Variants in PIK3C2G observed in about 807,000 individuals in gnomAD.
PIK3C2G encodes the protein phosphatidylinositol-4-phosphate 3-kinase catalytic subunit type 2 gamma, also known as phosphatidylinositol 3-kinase C2 domain-containing subunit gamma.
A neutral mutation model predicts 181.1 loss-of-function variants in PIK3C2G; 168 were observed. The ratio of observed to expected loss-of-function variants is 0.93; its 90% CI spans 0.82 to 1.05. The LOEUF (loss-of-function observed/expected upper bound fraction) is 1.05. PIK3C2G is among the 50% of genes least tolerant of loss of function. PIK3C2G has a pLI of 0.00. For missense variants in PIK3C2G, 1,869 were observed against 1,732.8 expected, an observed-to-expected ratio of 1.08 and a Z score of -1.40; for synonymous variants, 573 against 592.2, an observed-to-expected ratio of 0.97 and a Z score of 0.47.
chr12:18,525,374 C>G (rs1025377117), intron 24 of PIK3C2G, among the ~76,000 whole-genome samples: 1 of 150,716 alleles, frequency 6.6e-6, no homozygotes, highest in East Asian at 1.9e-4. Context: ...ACCTGGGCAA[C>G]AAAAGCAAAA....
intron 11 of PIK3C2G, among the ~76,000 whole-genome samples, chr12:18,360,676 G>A (rs907992105): frequency 2.6e-5 from 4 of 152,070 alleles, no homozygotes; most frequent in Admixed American, 2.6e-4. Flanking sequence ...TCAGCGTATT[G>A]AATATATTAT....
At chr12:18,642,465 T>C (rs1444161728) in intron 32 of PIK3C2G, among the ~76,000 whole-genome samples, 1 of 152,192 alleles carries the variant, frequency 6.6e-6, no homozygotes, top group African/African-American at 2.4e-5. Flanking sequence ...CTTAGCCATA[T>C]TTTCAGATCA....
chr12:18,696,129 T>C, the PIK3C2G span: 2 of 1,207,846 alleles, frequency 1.7e-6, no homozygotes, highest in East Asian at 4.8e-5. Flanking sequence ...TGCAAACAAC[T>C]CAATATCGTA....
intron 12 of PIK3C2G, among the ~76,000 whole-genome samples, chr12:18,366,479 G>A (rs1445303692): frequency 3.3e-5 from 5 of 152,048 alleles, no homozygotes; most frequent in Admixed American, 6.6e-5. Flanking sequence ...GCAATGAGCC[G>A]AGATTGCACC....
At chr12:18,723,256 AG>A in the PIK3C2G span, 1 of 1,473,454 alleles carries the variant, frequency 6.8e-7, no homozygotes, top group Non-Finnish European at 9.2e-7. Context: ...TTTTGAAAAA[AG>A]AAAAAATACT....
chr12:18,685,017 G>A, the PIK3C2G span, among the ~76,000 whole-genome samples: 1 of 151,988 alleles, frequency 6.6e-6, no homozygotes, highest in Non-Finnish European at 1.5e-5. Context: ...CCCCAGCCAT[G>A]AGGAACTGTG....
At chr12:18,489,283 A>G (rs74068003) in intron 19 of PIK3C2G, among the ~76,000 whole-genome samples, 4,389 of 152,196 alleles carry the variant, frequency 0.029, 200 homozygotes, top group African/African-American at 0.1. Context: ...CTTTCATTGT[A>G]TTAAGAATAT....
At chr12:18,389,091 G>T (rs1943368559) in intron 14 of PIK3C2G, among the ~76,000 whole-genome samples, 1 of 152,108 alleles carries the variant, frequency 6.6e-6, no homozygotes, top group South Asian at 2.1e-4. Flanking sequence ...GGTGGCTCAC[G>T]CCTGTAATCC....
intron 1 of PIK3C2G, among the ~76,000 whole-genome samples, chr12:18,274,200 T>C (rs1948874824): frequency 6.6e-6 from 1 of 152,214 alleles, no homozygotes; most frequent in South Asian, 2.1e-4. Context: ...TTTACACTGT[T>C]GGTGGGACTG....
chr12:18,501,104 G>A (rs529187016), intron 22 of PIK3C2G, among the ~76,000 whole-genome samples: 1 of 152,314 alleles, frequency 6.6e-6, no homozygotes, highest in South Asian at 2.1e-4. Flanking sequence ...CTTAAGAGCT[G>A]TAACACTCAC....
At chr12:18,390,274 C>T (rs1005284130) in intron 14 of PIK3C2G, among the ~76,000 whole-genome samples, 10 of 152,080 alleles carry the variant, frequency 6.6e-5, no homozygotes, top group African/African-American at 2.4e-4. Flanking sequence ...TAAGGTTCCT[C>T]AATTTTTTCT....
chr12:18,684,008 A>G, the PIK3C2G span: 13 of 1,147,184 alleles, frequency 1.1e-5, no homozygotes, highest in African/African-American at 1.5e-4. Flanking sequence ...ATGTGTCAAT[A>G]CATAAAATTT....
At chr12:18,500,495 A>C (rs879563840) in intron 22 of PIK3C2G, among the ~76,000 whole-genome samples, 72 of 152,282 alleles carry the variant, frequency 4.7e-4, no homozygotes, top group African/African-American at 1.7e-3. Context: ...CACGGCGCCC[A>C]GTCCCATCGA....
intron 25 of PIK3C2G, among the ~76,000 whole-genome samples, 173 bp downstream of exon 25, chr12:18,538,485 A>G (rs928518356): frequency 6.6e-5 from 10 of 152,084 alleles, no homozygotes; most frequent in African/African-American, 2.4e-4. Context: ...TTAATAATTT[A>G]ATATGTTCGT....
At chr12:18,413,950 T>C (rs115987952) in intron 16 of PIK3C2G, among the ~76,000 whole-genome samples, 1,670 of 152,228 alleles carry the variant, frequency 0.011, 27 homozygotes, top group African/African-American at 0.038. Flanking sequence ...TGCCAACAAC[T>C]ATATCCCAAA....
At chr12:18,652,476 T>C (rs576205638), downstream of PIK3C2G, among the ~76,000 whole-genome samples, 1 of 152,268 alleles carries the variant, frequency 6.6e-6, no homozygotes, top group South Asian at 2.1e-4. Context: ...CCATTGATCT[T>C]GGACTTACAG....
intron 1 of PIK3C2G, among the ~76,000 whole-genome samples, chr12:18,251,711 A>G (rs772791909): frequency 9.2e-5 from 14 of 152,088 alleles, no homozygotes; most frequent in Non-Finnish European, 2.1e-4. Context: ...TTAAAAATTA[A>G]TAATAACCAT....
At chr12:18,632,296 A>C (rs1245847087) in intron 31 of PIK3C2G, among the ~76,000 whole-genome samples, 1 of 152,188 alleles carries the variant, frequency 6.6e-6, no homozygotes, top group Non-Finnish European at 1.5e-5. Flanking sequence ...ATTCAGCCTT[A>C]CTGCTTAAGT....
chr12:18,427,000 G>A (rs1175916653), intron 18 of PIK3C2G, among the ~76,000 whole-genome samples: 1 of 152,074 alleles, frequency 6.6e-6, no homozygotes, highest in Non-Finnish European at 1.5e-5. Context: ...TGGGGCAAAG[G>A]AAAGTTAAGT....
Sources: gnomAD v4.1 joint callset for allele counts (sites outside exome capture counted in the v4.1 genomes callset) on GRCh38, gnomAD v4.1.1 for gene constraint, MANE v1.5 for transcripts, NCBI Gene and HGNC (gene_info 2026-07-23, HGNC 2026-07-21) for gene names.